Variants in AFDN observed in about 807,000 individuals in gnomAD.
The protein encoded by AFDN is afadin, adherens junction formation factor, also known as afadin.
Under a neutral mutation model 216.6 loss-of-function variants are expected in AFDN, and 68 were observed. The ratio of observed to expected loss-of-function variants is 0.31; its 90% CI spans 0.26 to 0.38. The LOEUF is 0.38. Ranked by LOEUF, AFDN falls within the 10% of genes least tolerant of loss-of-function variation. The pLI is 1.00. For synonymous variants in AFDN, 868 were observed against 853.7 expected (o/e 1.02, Z -0.29); for missense variants, 2,136 against 2,342.0 (o/e 0.91, Z 1.82).
At chr6:167,911,194 T>C in intron 14 of AFDN, 32 bp downstream of exon 14, 1 of 1,606,812 alleles carries the variant, frequency 6.2e-7, no homozygotes, top group East Asian at 2.2e-5. Flanking sequence ...TGTCAATGAA[T>C]TATTTCTTGA....
chr6:167,920,190 T>C (rs1484025178), intron 21 of AFDN, among the ~76,000 whole-genome samples: 3 of 151,650 alleles, frequency 2.0e-5, no homozygotes, highest in Non-Finnish European at 4.4e-5. Flanking sequence ...GGAGCAGGAG[T>C]AGGCAGGGAG....
In AFDN at chr6:167,969,914, G is replaced by T. The variant is rs760208535; in HGVS notation, c.5475G>T (p.Glu1825Asp). Residue 1825 changes from glutamate (E) to aspartate (D), a missense_variant, in exon 34 of 34, where the codon GAG (glutamate) becomes GAT (aspartate). Around this residue, in one of 8 missense-constraint regions of AFDN, gnomAD observed 981 missense variants for 966.0 expected, o/e 1.02. Transcript: ENST00000683244. ...CTTCTCGTAAATTAACAGAACTGGA[G>T]AATGAACTGAACACAAAGTGAAAGA... Reference protein sequence around the residue: ...VKASRKLTELENELNTK With the variant: ...VKASRKLTELDNELNTK 7 of 1,609,936 alleles carry T rather than the reference G, an allele frequency of 4.3e-6. No homozygotes were observed. In the South Asian group the frequency reaches 5.6e-5, roughly 13 times the overall value.
intron 23 of AFDN, among the ~76,000 whole-genome samples, chr6:167,939,008 T>A (rs1476918872): frequency 6.6e-6 from 1 of 152,218 alleles, no homozygotes; most frequent in Non-Finnish European, 1.5e-5. Context: ...AAAGGGAGTT[T>A]TGTTATTACA....
chr6:167,826,819 GC>G (rs1779100318), upstream of AFDN: 3 of 141,352 alleles, frequency 2.1e-5, no homozygotes, highest in Non-Finnish European at 4.8e-5. Context: ...CGGCGGCGCC[GC>G]GCGGGGCGGC....
At chr6:167,947,829 T>C (rs1415802641) in intron 27 of AFDN, 24 bp from the exon 28 acceptor site, 2 of 1,524,732 alleles carry the variant, frequency 1.3e-6, no homozygotes, top group Non-Finnish European at 1.8e-6. Flanking sequence ...TTACACTTTT[T>C]TTTTTCCCCC....
chr6:167,953,424 T>C (rs977255840), intron 30 of AFDN, among the ~76,000 whole-genome samples: 1 of 152,206 alleles, frequency 6.6e-6, no homozygotes, highest in Non-Finnish European at 1.5e-5. Flanking sequence ...TATATACATA[T>C]CTCAGCCAAA....
intron 12 of AFDN, among the ~76,000 whole-genome samples, chr6:167,904,895 T>C (rs1438992613): frequency 6.6e-6 from 1 of 152,216 alleles, no homozygotes; most frequent in Non-Finnish European, 1.5e-5. Flanking sequence ...TCGAAGCCCC[T>C]GGTGGCTTCC....
chr6:167,859,023 A>G (rs984650343), intron 1 of AFDN, among the ~76,000 whole-genome samples: 11 of 151,538 alleles, frequency 7.3e-5, no homozygotes, highest in Admixed American at 5.3e-4. Flanking sequence ...GGGAATGAAT[A>G]CAGTGGAAAG....
intron 5 of AFDN, among the ~76,000 whole-genome samples, chr6:167,878,337 T>C (rs998819417): frequency 2.6e-5 from 4 of 151,972 alleles, no homozygotes; most frequent in African/African-American, 9.7e-5. Flanking sequence ...TTGTACATCT[T>C]TTTTTTTGTG....
intron 5 of AFDN, among the ~76,000 whole-genome samples, chr6:167,877,151 C>T (rs1785479874): frequency 1.3e-5 from 2 of 152,184 alleles, no homozygotes; most frequent in Non-Finnish European, 2.9e-5. Context: ...TTATCAGGAA[C>T]TGGCAATAGA....
chr6:167,893,167 G>T (rs1253635990), intron 8 of AFDN, among the ~76,000 whole-genome samples: 1 of 152,176 alleles, frequency 6.6e-6, no homozygotes, highest in Admixed American at 6.6e-5. Context: ...TGACCTAAGG[G>T]TTGGTGGCAG....
intron 13 of AFDN, among the ~76,000 whole-genome samples, chr6:167,909,644 A>C (rs1323665160): frequency 6.6e-6 from 1 of 152,172 alleles, no homozygotes; most frequent in Non-Finnish European, 1.5e-5. Flanking sequence ...TTCTCATTCC[A>C]ATATCAAGAT....
chr6:167,902,449 G>A, intron 12 of AFDN, 63 bp downstream of exon 12: 1 of 1,193,272 alleles, frequency 8.4e-7, no homozygotes, highest in South Asian at 1.2e-5. Context: ...GATGAATACA[G>A]TAGTGGTGGG....
intron 1 of AFDN, among the ~76,000 whole-genome samples, chr6:167,848,177 C>T (rs151215427): frequency 2.8e-4 from 42 of 152,246 alleles, no homozygotes; most frequent in African/African-American, 9.9e-4. Context: ...TGAGTTTATT[C>T]GTAACTATCA....
chr6:167,932,055 C>T (rs1023644427), intron 23 of AFDN, among the ~76,000 whole-genome samples: 2 of 152,164 alleles, frequency 1.3e-5, no homozygotes, highest in African/African-American at 4.8e-5. Flanking sequence ...TGGATAATCA[C>T]CTGCTGTTTG....
At chr6:167,917,285 A>T in intron 20 of AFDN, 53 bp downstream of exon 20, 1 of 1,403,730 alleles carries the variant, frequency 7.1e-7, no homozygotes, top group Admixed American at 2.7e-5. Flanking sequence ...TTGCATGGGG[A>T]CATTTGGATG....
chr6:167,836,009 CATTT>C (rs1261384307), intron 1 of AFDN, among the ~76,000 whole-genome samples: 1 of 152,144 alleles, frequency 6.6e-6, no homozygotes, highest in Non-Finnish European at 1.5e-5. Flanking sequence ...TACATTTCAA[CATTT>C]ATTTTACGCA....
chr6:167,934,695 C>T (rs975293311), intron 23 of AFDN, among the ~76,000 whole-genome samples: 36 of 152,150 alleles, frequency 2.4e-4, no homozygotes, highest in African/African-American at 8.0e-4. Context: ...TATCTTTCTT[C>T]CTCCTGCTCT....
chr6:167,950,419 T>C (rs902822324), intron 29 of AFDN, among the ~76,000 whole-genome samples: 5 of 148,302 alleles, frequency 3.4e-5, no homozygotes, highest in African/African-American at 1.3e-4. Context: ...TGTGTGTGTG[T>C]GTGTCATTTC....
Sources: allele counts gnomAD v4.1 joint callset (sites outside exome capture counted in the v4.1 genomes callset), GRCh38; gene constraint gnomAD v4.1.1; regional missense constraint gnomAD v4.1.1; transcripts MANE v1.5; gene names NCBI Gene and HGNC (gene_info 2026-07-23, HGNC 2026-07-21).